GPC5: variants seen among roughly 807,000 people sequenced by gnomAD.
GPC5 encodes glypican 5.
GPC5 carries 47 observed loss-of-function variants against 53.9 expected under a neutral mutation model. The ratio of observed to expected loss-of-function variants is 0.87; its 90% confidence interval spans 0.69 to 1.11. The LOEUF is 1.11. GPC5 is among the 50% of genes most tolerant of loss of function. GPC5 has a pLI of 0.00. For missense variants in GPC5, 748 were observed against 713.1 expected, an observed-to-expected ratio of 1.05 and a Z score of -0.56; for synonymous variants, 286 against 263.3, an observed-to-expected ratio of 1.09 and a Z score of -0.84.
intron 7 of GPC5, among the ~76,000 whole-genome samples, chr13:92,542,930 A>G (rs1281248858): frequency 1.3e-5 from 2 of 151,934 alleles, no homozygotes. Flanking sequence ...TTGTCTTGGA[A>G]GTTTGACTAT....
At chr13:91,941,093 C>T (rs1001746741) in intron 6 of GPC5, among the ~76,000 whole-genome samples, 4 of 151,928 alleles carry the variant, frequency 2.6e-5, no homozygotes, top group African/African-American at 4.8e-5. Flanking sequence ...AAGGGTATCA[C>T]GTACATTTTC....
intron 6 of GPC5, among the ~76,000 whole-genome samples, chr13:92,079,293 G>C (rs920457616): frequency 1.3e-5 from 2 of 151,916 alleles, no homozygotes; most frequent in Admixed American, 1.3e-4. Context: ...CTCATGATCC[G>C]CCCACCTCGG....
chr13:92,635,275 A>G (rs949347717), intron 7 of GPC5, among the ~76,000 whole-genome samples: 11 of 152,156 alleles, frequency 7.2e-5, no homozygotes, highest in African/African-American at 2.4e-4. Context: ...CTCTCTATCC[A>G]TCTGTCTCAG....
chr13:92,833,471 A>C (rs1317920017), intron 7 of GPC5, among the ~76,000 whole-genome samples: 1 of 152,116 alleles, frequency 6.6e-6, no homozygotes, highest in African/African-American at 2.4e-5. Context: ...AATAGATAAT[A>C]TATATATTCT....
chr13:92,859,546 T>G (rs1262959876), intron 7 of GPC5, among the ~76,000 whole-genome samples: 1 of 152,082 alleles, frequency 6.6e-6, no homozygotes, highest in Admixed American at 6.6e-5. Context: ...TTTTTCAGCC[T>G]TATACTTTTT....
At chr13:91,551,744 T>A (rs1221046801) in intron 2 of GPC5, among the ~76,000 whole-genome samples, 2 of 152,106 alleles carry the variant, frequency 1.3e-5, no homozygotes, top group African/African-American at 4.8e-5. Flanking sequence ...TGAATTTGAA[T>A]GAATTGATTT....
At chr13:92,143,657 T>G (rs772952577) in intron 6 of GPC5, among the ~76,000 whole-genome samples, 9 of 152,168 alleles carry the variant, frequency 5.9e-5, no homozygotes, top group Non-Finnish European at 1.2e-4. Flanking sequence ...TGTTTCAGAA[T>G]TGGTAACCTA....
At chr13:91,774,550 C>A (rs564629278) in intron 5 of GPC5, among the ~76,000 whole-genome samples, 3 of 152,062 alleles carry the variant, frequency 2.0e-5, no homozygotes, top group Non-Finnish European at 4.4e-5. Flanking sequence ...GAAATCAGTC[C>A]GTAAGGAATT....
chr13:92,556,540 T>G (rs1190716013), intron 7 of GPC5, among the ~76,000 whole-genome samples: 1 of 151,816 alleles, frequency 6.6e-6, no homozygotes, highest in African/African-American at 2.4e-5. Flanking sequence ...AGTTGCAATC[T>G]TCAGTGAACT....
intron 2 of GPC5, among the ~76,000 whole-genome samples, chr13:91,603,922 T>C (rs1275742942): frequency 1.3e-5 from 2 of 151,878 alleles, no homozygotes; most frequent in Admixed American, 6.6e-5. Context: ...TTTCTAGTAG[T>C]ATTTTTTTTT....
intron 2 of GPC5, among the ~76,000 whole-genome samples, chr13:91,469,433 C>CT (rs924161514): frequency 4.6e-5 from 7 of 151,124 alleles, no homozygotes; most frequent in South Asian, 2.1e-4. Flanking sequence ...ATTTTTTTCT[C>CT]TTTTTTTTTG....
At chr13:92,160,719 A>G (rs955116863) in intron 7 of GPC5, among the ~76,000 whole-genome samples, 1 of 152,190 alleles carries the variant, frequency 6.6e-6, no homozygotes, top group African/African-American at 2.4e-5. Context: ...TGGGTCTTCC[A>G]TAGAGCCAAC....
chr13:91,895,908 G>A (rs1215524413), intron 5 of GPC5, among the ~76,000 whole-genome samples: 1 of 151,960 alleles, frequency 6.6e-6, no homozygotes, highest in African/African-American at 2.4e-5. Context: ...AATGGTTCTA[G>A]GAGATAATCT....
chr13:91,728,079 C>A (rs966336671), intron 3 of GPC5, among the ~76,000 whole-genome samples: 1 of 151,898 alleles, frequency 6.6e-6, no homozygotes, highest in African/African-American at 2.4e-5. Context: ...TAAGAAAGGA[C>A]GTTAAGAAGA....
intron 1 of GPC5, among the ~76,000 whole-genome samples, chr13:91,442,432 C>T (rs78994710): frequency 0.022 from 3,408 of 152,174 alleles, 66 homozygotes; most frequent in South Asian, 0.047. Flanking sequence ...TCTTAATAAA[C>T]GTTTAAGTGC....
chr13:91,437,671 C>T (rs112443453), intron 1 of GPC5, among the ~76,000 whole-genome samples: 8 of 152,010 alleles, frequency 5.3e-5, no homozygotes, highest in Admixed American at 1.3e-4. Context: ...ATCTTTGTGG[C>T]GTTCTCTGTA....
intron 3 of GPC5, 39 bp downstream of exon 3, chr13:91,693,920 A>T (rs745810020): frequency 4.9e-6 from 7 of 1,441,570 alleles, no homozygotes; most frequent in Admixed American, 1.8e-5. Flanking sequence ...GACTTCTTGT[A>T]ATTCAAATAT....
chr13:91,440,269 C>T (rs1880323564), intron 1 of GPC5, among the ~76,000 whole-genome samples: 1 of 152,116 alleles, frequency 6.6e-6, no homozygotes, highest in African/African-American at 2.4e-5. Context: ...AGGCTTGTTC[C>T]TTTCATCCAT....
chr13:92,017,797 T>TAC (rs1032286923), intron 6 of GPC5, among the ~76,000 whole-genome samples: 2 of 147,822 alleles, frequency 1.4e-5, no homozygotes, highest in Admixed American at 6.7e-5. Flanking sequence ...CACGCATGAG[T>TAC]ACACACACGC....
Sources: gnomAD v4.1 joint callset for allele counts (sites outside exome capture counted in the v4.1 genomes callset) on GRCh38, gnomAD v4.1.1 for gene constraint, MANE v1.5 for transcripts, NCBI Gene and HGNC (gene_info 2026-07-23, HGNC 2026-07-21) for gene names.